Variants in CAMTA1 observed in about 807,000 individuals in gnomAD.
CAMTA1 encodes calmodulin-binding transcription activator 1.
CAMTA1 carries 27 observed loss-of-function variants against 170.9 expected under a neutral mutation model. That is an observed-to-expected ratio of 0.16 (90% CI 0.12 to 0.22). CAMTA1 has a LOEUF of 0.22. Ranked by LOEUF, CAMTA1 falls within the 10% of genes least tolerant of loss-of-function variation. The pLI, the probability that CAMTA1 is intolerant of heterozygous loss-of-function variation, is 1.00. For missense variants in CAMTA1, 1,619 were observed against 2,217.2 expected, an observed-to-expected ratio of 0.73 and a Z score of 5.42; for synonymous variants, 833 against 891.5, an observed-to-expected ratio of 0.93 and a Z score of 1.17.
intron 1 of CAMTA1, among the ~76,000 whole-genome samples, chr1:6,802,228 G>C (rs1215817343): frequency 6.6e-6 from 1 of 152,184 alleles, no homozygotes; most frequent in Non-Finnish European, 1.5e-5. Context: ...TTCCTTGCTT[G>C]AGTTACATGT....
In CAMTA1 at chr1:7,041,676, C is replaced by T. The variant is rs184954445; in HGVS notation, c.235-49628C>T. ...TCCTTTTAATGATCCTTGTACAATCCTTGGCAGAAAGGTTTGCTGACGTCT... is the reference window on the plus strand; with the variant it reads ...TCCTTTTAATGATCCTTGTACAATCTTTGGCAGAAAGGTTTGCTGACGTCT... On this transcript the variant is annotated intron_variant, in intron 3 of 22. Transcript: ENST00000303635. This position sits in a 1 kb window ranked among gnomAD's most constrained non-coding sequence, Gnocchi z 5.1. 2.0e-5 allele frequency among the ~76,000 whole-genome samples: 3 copies of T among 152,270 alleles called. No individual in the cohort carries two copies. The highest frequency in any genetic ancestry group is 1.5e-5 in the Non-Finnish European group (1 of 68,018).
chr1:6,844,561 C>G (rs1430860178), intron 3 of CAMTA1, among the ~76,000 whole-genome samples: 1 of 149,998 alleles, frequency 6.7e-6, no homozygotes, highest in African/African-American at 2.5e-5. Context: ...AGGTGCGTGC[C>G]TGTAGTCCCA....
intron 6 of CAMTA1, among the ~76,000 whole-genome samples, chr1:7,492,813 GCACA>G (rs1405967457): frequency 8.0e-6 from 1 of 124,534 alleles, no homozygotes; most frequent in African/African-American, 3.3e-5. Flanking sequence ...ACACATGCGC[GCACA>G]GACACACAAA....
chr1:6,961,910 G>C (rs1411631747), intron 3 of CAMTA1, among the ~76,000 whole-genome samples: 1 of 152,180 alleles, frequency 6.6e-6, no homozygotes, highest in Non-Finnish European at 1.5e-5. Context: ...GTTGTTGCAG[G>C]GAAGCCCCTT....
intron 19 of CAMTA1, among the ~76,000 whole-genome samples, chr1:7,749,533 G>T (rs11121020): frequency 0.016 from 2,423 of 151,194 alleles, 54 homozygotes; most frequent in African/African-American, 0.055. Context: ...TATGAGTTTG[G>T]TTTTTTAAAA....
chr1:6,906,222 G>A (rs891205785), intron 3 of CAMTA1, among the ~76,000 whole-genome samples: 2 of 152,196 alleles, frequency 1.3e-5, no homozygotes, highest in Non-Finnish European at 2.9e-5. Context: ...AGATGAGGGA[G>A]GAGGGAGAAG....
chr1:7,762,181 AT>A (rs1558326902), intron 22 of CAMTA1, among the ~76,000 whole-genome samples: 1 of 152,220 alleles, frequency 6.6e-6, no homozygotes, highest in Non-Finnish European at 1.5e-5. Flanking sequence ...AGCAGGAATA[AT>A]TATTATTACA....
intron 6 of CAMTA1, among the ~76,000 whole-genome samples, chr1:7,586,220 AG>A (rs1208274860): frequency 6.6e-6 from 1 of 152,066 alleles, no homozygotes; most frequent in East Asian, 1.9e-4. Context: ...GCTGCATCTC[AG>A]GGCCCAGCGG....
Position 7,736,513 on chromosome 1 carries a change from C to T in CAMTA1, c.3236C>T (p.Thr1079Ile). Residue 1079 changes from threonine to isoleucine, a missense_variant, in exon 13 of 23, where the codon ACC becomes ATC. Physicochemically the swap from Thr to Ile is moderately conservative, Grantham distance 89. Around this residue, in one of 8 missense-constraint regions of CAMTA1, gnomAD observed 60 missense variants for 128.5 expected, o/e 0.47. Transcript: ENST00000303635. This position sits in a 1 kb window ranked among gnomAD's most constrained non-coding sequence, Gnocchi z 4.5. ...LHLAAAQGYA[T>I]LIQTLIKWRT... Reference sequence around the variant, plus strand: ...CTGGCCGCTGCCCAGGGCTATGCCACCCTAATCCAGACCCTCATCAAATGG... The same window carrying T: ...CTGGCCGCTGCCCAGGGCTATGCCATCCTAATCCAGACCCTCATCAAATGG... 1 of 1,614,178 alleles carries T rather than the reference C, an allele frequency of 6.2e-7. No homozygotes were observed. The highest frequency in any genetic ancestry group is 1.7e-5 in the Admixed American group (1 of 60,022).
At chr1:7,559,411 G>A (rs1431708262) in intron 6 of CAMTA1, among the ~76,000 whole-genome samples, 1 of 152,180 alleles carries the variant, frequency 6.6e-6, no homozygotes, top group Admixed American at 6.5e-5. Context: ...TCCCCTCCAG[G>A]CTGTCTCAGC....
intron 5 of CAMTA1, among the ~76,000 whole-genome samples, chr1:7,275,778 A>G (rs1187300752): frequency 1.3e-5 from 2 of 152,134 alleles, no homozygotes; most frequent in Non-Finnish European, 2.9e-5. Flanking sequence ...ATCTTTCCCC[A>G]AAAAGAAACC....
At chr1:7,654,207 CCT>C (rs2095864672) in intron 7 of CAMTA1, among the ~76,000 whole-genome samples, 1 of 151,684 alleles carries the variant, frequency 6.6e-6, no homozygotes, top group Non-Finnish European at 1.5e-5. Context: ...ATGCTGAAAC[CCT>C]GTCTCTACTA....
chr1:6,907,818 T>TCCTGCC (rs1678869401), intron 3 of CAMTA1, among the ~76,000 whole-genome samples: 1 of 151,984 alleles, frequency 6.6e-6, no homozygotes, highest in Non-Finnish European at 1.5e-5. Flanking sequence ...GCCCTTCTGC[T>TCCTGCC]CCTGCCCCAC....
chr1:7,559,839 G>A (rs780044399), intron 6 of CAMTA1, among the ~76,000 whole-genome samples: 30 of 151,764 alleles, frequency 2.0e-4, no homozygotes, highest in Non-Finnish European at 4.4e-5. Context: ...CTTCTGGGAG[G>A]CCAGGGGAGG....
rs939032047 is a variant in CAMTA1, at chr1:6,837,700, A to G, written c.234+12490A>G. ...AATGTGCTAGTTAAAATTTTATTTTATTTTTGTACTGTTGAGCAAAATTTA... is the reference window on the plus strand; with the variant it reads ...AATGTGCTAGTTAAAATTTTATTTTGTTTTTGTACTGTTGAGCAAAATTTA... On this transcript the variant is annotated intron_variant, in intron 3 of 22. Transcript: ENST00000303635. Among the ~76,000 whole-genome samples the G allele has an allele frequency of 2.0e-5, 3 of 152,116 alleles. No individual in the cohort carries two copies. The East Asian group carries it at 5.8e-4, about 29-fold the overall frequency.
intron 4 of CAMTA1, among the ~76,000 whole-genome samples, chr1:7,138,560 C>A (rs1051244382): frequency 1.3e-5 from 2 of 152,158 alleles, no homozygotes; most frequent in Non-Finnish European, 2.9e-5. Context: ...TCTCCCATCC[C>A]GCCTCCCACA....
chr1:7,116,404 T>C (rs1644329767), intron 4 of CAMTA1, among the ~76,000 whole-genome samples: 1 of 152,070 alleles, frequency 6.6e-6, no homozygotes, highest in South Asian at 2.1e-4. Context: ...TGTGGGTGAG[T>C]TCTGTCTCTT....
At chr1:7,520,214 C>T (rs1211319688) in intron 6 of CAMTA1, among the ~76,000 whole-genome samples, 5 of 116 alleles carry the variant, frequency 0.043, no homozygotes, top group Non-Finnish European at 0.065. Context: ...CCTCCTCCTC[C>T]TCCTCCTCCT....
At chr1:7,501,498 A>T (rs1369995728) in intron 6 of CAMTA1, among the ~76,000 whole-genome samples, 4 of 151,964 alleles carry the variant, frequency 2.6e-5, no homozygotes, top group Non-Finnish European at 5.9e-5. Flanking sequence ...TGGGAAGAGG[A>T]GAGAGGGATG....
Sources: gnomAD v4.1 joint callset for allele counts (sites outside exome capture counted in the v4.1 genomes callset) on GRCh38, gnomAD v4.1.1 for gene constraint, gnomAD v4.1.1 regional missense constraint, Gnocchi (gnomAD v3.1) non-coding constraint, MANE v1.5 for transcripts, NCBI Gene and HGNC (gene_info 2026-07-23, HGNC 2026-07-21) for gene names.